Variants in PRIM2 observed in about 807,000 individuals in gnomAD.
PRIM2 encodes DNA primase large subunit.
A neutral mutation model predicts 67.3 loss-of-function variants in PRIM2; 39 were observed. The ratio of observed to expected loss-of-function variants is 0.58; its 90% CI spans 0.45 to 0.76. PRIM2 has a LOEUF of 0.76. Among genes scored for constraint, PRIM2 ranks in the 30% least tolerant of loss-of-function variants. The probability of loss-of-function intolerance (pLI) is 0.00; values close to 1 mark genes in which losing one functional copy is unlikely to be tolerated. For missense variants in PRIM2, 398 were observed against 598.7 expected, an observed-to-expected ratio of 0.66 and a Z score of 3.50; for synonymous variants, 143 against 198.7, an observed-to-expected ratio of 0.72 and a Z score of 2.36.
intron 11 of PRIM2, among the ~76,000 whole-genome samples, chr6:57,605,455 C>T (rs1194926173): frequency 1.2e-4 from 18 of 152,088 alleles, no homozygotes; most frequent in Non-Finnish European, 2.6e-4. Context: ...TTTCAGACCT[C>T]ATTATTGGTC....
chr6:57,321,733 TC>T (rs1196963328), intron 3 of PRIM2, among the ~76,000 whole-genome samples: 1 of 152,196 alleles, frequency 6.6e-6, no homozygotes, highest in African/African-American at 2.4e-5. Flanking sequence ...CAGATTTTGT[TC>T]TAAGTGCATT....
intron 5 of PRIM2, among the ~76,000 whole-genome samples, chr6:57,360,480 A>G (rs1769160746): frequency 6.6e-6 from 1 of 152,214 alleles, no homozygotes; most frequent in East Asian, 1.9e-4. Context: ...CTGAAAATAG[A>G]TAAAATAAAA....
intron 7 of PRIM2, among the ~76,000 whole-genome samples, chr6:57,440,155 A>G (rs1772155967): frequency 6.6e-6 from 1 of 151,156 alleles, no homozygotes; most frequent in African/African-American, 2.4e-5. Flanking sequence ...TACCTTTTCT[A>G]GCTCAAATTG....
intron 7 of PRIM2, among the ~76,000 whole-genome samples, chr6:57,492,798 C>A: frequency 6.6e-6 from 1 of 152,252 alleles, no homozygotes; most frequent in East Asian, 1.9e-4. Context: ...GTCAGCACAT[C>A]TTTAAAGCAA....
the PRIM2 span, among the ~76,000 whole-genome samples, chr6:57,300,245 C>T: frequency 6.6e-6 from 1 of 152,216 alleles, no homozygotes; most frequent in Admixed American, 6.5e-5. Flanking sequence ...TGCATCTGCA[C>T]CTTATACTCC....
At chr6:57,326,740 T>G (rs1767873983) in intron 5 of PRIM2, among the ~76,000 whole-genome samples, 1 of 151,588 alleles carries the variant, frequency 6.6e-6, no homozygotes, top group South Asian at 2.1e-4. Flanking sequence ...ATAAAAACCA[T>G]AAATCAAAAA....
At chr6:57,359,005 G>A (rs1383277137) in intron 5 of PRIM2, among the ~76,000 whole-genome samples, 2 of 152,246 alleles carry the variant, frequency 1.3e-5, no homozygotes, top group Non-Finnish European at 2.9e-5. Context: ...GTCATTAAGT[G>A]TATTCACATT....
At chr6:57,634,813 A>G (rs1777092145) in intron 13 of PRIM2, among the ~76,000 whole-genome samples, 2 of 152,186 alleles carry the variant, frequency 1.3e-5, no homozygotes, top group South Asian at 4.1e-4. Context: ...CTTTACATTA[A>G]TGAAGATTTT....
intron 5 of PRIM2, among the ~76,000 whole-genome samples, chr6:57,334,554 C>A (rs2127284816): frequency 6.6e-6 from 1 of 152,218 alleles, no homozygotes; most frequent in South Asian, 2.1e-4. Flanking sequence ...AATCCAGCTA[C>A]TTGGGAGGCT....
chr6:57,380,642 G>A lies in PRIM2; in HGVS notation c.555+646G>A, dbSNP rs537924538. On this transcript the variant is annotated intron_variant, in intron 6 of 13. Transcript: ENST00000615550. ...CCCCACAATTTCCTTTGAAAAGAATGTGCTAATTATTATGAGTGAGTGCCA... is the reference window on the plus strand; with the variant it reads ...CCCCACAATTTCCTTTGAAAAGAATATGCTAATTATTATGAGTGAGTGCCA... Among the ~76,000 whole-genome samples the A allele has an allele frequency of 2.0e-4, 31 of 152,156 alleles. No individual in the cohort carries two copies. The East Asian group carries it at 5.6e-3, about 27-fold the overall frequency.
intron 11 of PRIM2, among the ~76,000 whole-genome samples, chr6:57,605,999 T>C (rs1164068141): frequency 8.5e-5 from 13 of 152,226 alleles, no homozygotes; most frequent in Non-Finnish European, 1.9e-4. Context: ...ATATGCCTTT[T>C]ATATAATTTT....
chr6:57,289,211 G>A, the PRIM2 span, among the ~76,000 whole-genome samples: 1 of 152,104 alleles, frequency 6.6e-6, no homozygotes, highest in Non-Finnish European at 1.5e-5. Context: ...ATCAGTGATC[G>A]AAGATCAAAT....
At chr6:57,379,686 G>C (rs1237757962) in intron 5 of PRIM2, among the ~76,000 whole-genome samples, 11 of 152,084 alleles carry the variant, frequency 7.2e-5, no homozygotes, top group Admixed American at 3.3e-4. Flanking sequence ...AATTGGCAGG[G>C]TTGAAATTTG....
In PRIM2 at chr6:57,326,058, T is replaced by C. The variant is rs371073939; in HGVS notation, c.459+13T>C. ...GCAGTTTGAGGCTGTAAGTATATTT[T>C]TGTAGTTATTTCTAATTGTTCTCAC... On this transcript the variant is annotated intron_variant, in intron 5 of 13. Transcript: ENST00000615550. 22 of 1,608,618 alleles carry C rather than the reference T, an allele frequency of 1.4e-5. No homozygotes were observed. In the African/African-American group the frequency reaches 2.8e-4, roughly 21 times the overall value.
chr6:57,536,821 G>C (rs1245449569), intron 9 of PRIM2, among the ~76,000 whole-genome samples: 8 of 152,214 alleles, frequency 5.3e-5, no homozygotes, highest in Middle Eastern at 6.4e-3. Context: ...AGATTAGGGA[G>C]CTGAGGGAGG....
At chr6:57,483,019 C>T (rs1166039398) in intron 7 of PRIM2, among the ~76,000 whole-genome samples, 9 of 152,088 alleles carry the variant, frequency 5.9e-5, no homozygotes, top group African/African-American at 1.7e-4. Flanking sequence ...AATCTATTCT[C>T]GTGCCTCAGC....
At chr6:57,309,542 C>T in the PRIM2 span, among the ~76,000 whole-genome samples, 1 of 152,122 alleles carries the variant, frequency 6.6e-6, no homozygotes, top group Non-Finnish European at 1.5e-5. Context: ...GTCTATCACA[C>T]ATTTTCTTAA....
At chr6:57,367,100 A>C (rs942570250) in intron 5 of PRIM2, among the ~76,000 whole-genome samples, 1 of 152,164 alleles carries the variant, frequency 6.6e-6, no homozygotes, top group Non-Finnish European at 1.5e-5. Flanking sequence ...GATTAGCTTG[A>C]CAGTATTACT....
At chr6:57,335,393 T>C (rs1447724352) in intron 5 of PRIM2, among the ~76,000 whole-genome samples, 1 of 152,216 alleles carries the variant, frequency 6.6e-6, no homozygotes, top group Non-Finnish European at 1.5e-5. Flanking sequence ...CTCTGTAGGC[T>C]CCACCTCTGG....
Sources: allele counts gnomAD v4.1 joint callset (sites outside exome capture counted in the v4.1 genomes callset), GRCh38; gene constraint gnomAD v4.1.1; transcripts MANE v1.5; gene names NCBI Gene and HGNC (gene_info 2026-07-23, HGNC 2026-07-21).